Variants in PHACTR1 observed in about 807,000 individuals in gnomAD.
PHACTR1 encodes the protein phosphatase and actin regulator 1.
A neutral mutation model predicts 69.2 loss-of-function variants in PHACTR1; 16 were observed. The observed-to-expected ratio is 0.23, with a 90% CI of 0.16 to 0.35. The LOEUF (loss-of-function observed/expected upper bound fraction) is 0.35, where lower values mean the gene tolerates loss of function less well. PHACTR1 is among the 10% of genes least tolerant of loss of function. The pLI is 1.00. For synonymous variants in PHACTR1, 312 were observed against 284.5 expected (o/e 1.10, Z -0.97); for missense variants, 510 against 734.7 (o/e 0.69, Z 3.54).
intron 4 of PHACTR1, among the ~76,000 whole-genome samples, chr6:12,814,319 G>A (rs1202035039): frequency 6.6e-6 from 1 of 152,170 alleles, no homozygotes. Context: ...GCCAGTTACC[G>A]CCTACTGTGC....
chr6:13,168,063 C>T (rs1760072428), intron 6 of PHACTR1, among the ~76,000 whole-genome samples: 1 of 152,174 alleles, frequency 6.6e-6, no homozygotes, highest in Non-Finnish European at 1.5e-5. Flanking sequence ...CAGCCTTTAC[C>T]AGGCACTATT....
intron 5 of PHACTR1, among the ~76,000 whole-genome samples, chr6:13,065,387 G>A (rs10440826): frequency 0.013 from 1,980 of 152,108 alleles, 45 homozygotes; most frequent in African/African-American, 0.045. Flanking sequence ...TGGTGGTCTC[G>A]GTGAACCAGA....
chr6:12,807,780 G>C (rs1774519531), intron 4 of PHACTR1, among the ~76,000 whole-genome samples: 1 of 152,162 alleles, frequency 6.6e-6, no homozygotes, highest in Non-Finnish European at 1.5e-5. Flanking sequence ...CCTAGATCTT[G>C]AGCTTCCTTA....
At chr6:12,768,489 AAG>A in intron 4 of PHACTR1, among the ~76,000 whole-genome samples, 1 of 152,274 alleles carries the variant, frequency 6.6e-6, no homozygotes, top group South Asian at 2.1e-4. Flanking sequence ...AGATCCTGCG[AAG>A]AGAGACCTTT....
intron 4 of PHACTR1, among the ~76,000 whole-genome samples, chr6:12,807,512 T>C (rs952199547): frequency 3.9e-5 from 6 of 152,198 alleles, no homozygotes; most frequent in African/African-American, 1.4e-4. Context: ...CTGAGAAAGA[T>C]AGGGCAGAGA....
intron 10 of PHACTR1, among the ~76,000 whole-genome samples, chr6:13,259,454 C>T (rs1207357596): frequency 6.6e-6 from 1 of 152,190 alleles, no homozygotes. Flanking sequence ...GGCCATTGCA[C>T]TGGGGTCATA....
rs530649766 is a variant in PHACTR1 at position 13,067,055 on chromosome 6, C to G, written c.415+13526C>G. Among the ~76,000 whole-genome samples the G allele has an allele frequency of 1.2e-4, 18 of 152,312 alleles. No homozygotes were observed. In the East Asian group the frequency reaches 3.5e-3, roughly 29 times the overall value. On this transcript the variant is annotated intron_variant, in intron 5 of 14. Coordinates refer to ENST00000332995, the MANE Select transcript of PHACTR1 (RefSeq NM_030948.6). Reference sequence around the variant, plus strand: ...CATTGTTCAAAGTGTGGCAAGACAACAGCTGCTCCTTGTTTCCTTCTTCCC... The same window carrying G: ...CATTGTTCAAAGTGTGGCAAGACAAGAGCTGCTCCTTGTTTCCTTCTTCCC...
intron 4 of PHACTR1, among the ~76,000 whole-genome samples, chr6:12,911,920 AG>A (rs1388149348): frequency 6.6e-6 from 1 of 152,370 alleles, no homozygotes; most frequent in East Asian, 1.9e-4. Flanking sequence ...GGAAGGTGAA[AG>A]GAAAATACAT....
At chr6:13,237,405 T>C (rs1772161258) in intron 10 of PHACTR1, among the ~76,000 whole-genome samples, 1 of 152,022 alleles carries the variant, frequency 6.6e-6, no homozygotes. Context: ...GGCAAAAATA[T>C]ATATTTGTGG....
chr6:13,162,515 C>A (rs1203722838), intron 6 of PHACTR1, among the ~76,000 whole-genome samples: 2 of 152,042 alleles, frequency 1.3e-5, no homozygotes, highest in African/African-American at 4.8e-5. Flanking sequence ...AAATGTTTAA[C>A]TAAAGGTATA....
intron 4 of PHACTR1, among the ~76,000 whole-genome samples, chr6:12,790,115 A>C (rs1415086438): frequency 6.6e-6 from 1 of 152,062 alleles, no homozygotes; most frequent in African/African-American, 2.4e-5. Flanking sequence ...CAAAACAGAA[A>C]CCAGAGCTAT....
intron 5 of PHACTR1, among the ~76,000 whole-genome samples, chr6:13,120,743 CAG>C (rs1293150446): frequency 6.6e-6 from 1 of 152,186 alleles, no homozygotes; most frequent in African/African-American, 2.4e-5. Flanking sequence ...GTAGGAAAAA[CAG>C]GGGGCATGGG....
At chr6:12,955,371 TA>T (rs78614139) in intron 4 of PHACTR1, among the ~76,000 whole-genome samples, 3 of 152,030 alleles carry the variant, frequency 2.0e-5, no homozygotes, top group African/African-American at 7.2e-5. Flanking sequence ...TTTTTAATTT[TA>T]AAAAAAATTT....
At chr6:12,957,546 T>C (rs1792045607) in intron 4 of PHACTR1, 1 of 985,480 alleles carries the variant, frequency 1.0e-6, no homozygotes, top group Non-Finnish European at 1.2e-6. Flanking sequence ...TCTGTGAAGG[T>C]AAGAGGCAGT....
chr6:13,248,980 C>T (rs1030097382), intron 10 of PHACTR1, among the ~76,000 whole-genome samples: 3 of 152,162 alleles, frequency 2.0e-5, no homozygotes, highest in Admixed American at 6.5e-5. Context: ...TGATGAAGAA[C>T]GAGAGGAGGA....
chr6:12,867,693 C>T (rs558999075), intron 4 of PHACTR1, among the ~76,000 whole-genome samples: 8 of 152,194 alleles, frequency 5.3e-5, no homozygotes, highest in Non-Finnish European at 1.0e-4. Context: ...AATACAAATA[C>T]GCTGTCATTA....
intron 8 of PHACTR1, among the ~76,000 whole-genome samples, chr6:13,210,165 G>A (rs767580720): frequency 1.3e-5 from 2 of 152,080 alleles, no homozygotes; most frequent in African/African-American, 2.4e-5. Context: ...ACGCCACCAT[G>A]CCCAGTTAAT....
At chr6:12,774,316 T>C (rs1561869517) in intron 4 of PHACTR1, among the ~76,000 whole-genome samples, 1 of 152,196 alleles carries the variant, frequency 6.6e-6, no homozygotes, top group Non-Finnish European at 1.5e-5. Flanking sequence ...TAGAGGCGTG[T>C]ATTTCATTTC....
intron 4 of PHACTR1, among the ~76,000 whole-genome samples, chr6:12,810,869 C>T (rs1298474017): frequency 1.3e-5 from 2 of 152,214 alleles, no homozygotes; most frequent in Non-Finnish European, 1.5e-5. Context: ...ATGTCTCTCA[C>T]ATTCTAACTC....
Sources: allele counts gnomAD v4.1 joint callset (sites outside exome capture counted in the v4.1 genomes callset), GRCh38; gene constraint gnomAD v4.1.1; transcripts MANE v1.5; gene names NCBI Gene and HGNC (gene_info 2026-07-23, HGNC 2026-07-21).